FHOD3: variants seen among roughly 807,000 people sequenced by gnomAD.
The protein encoded by FHOD3 is formin homology 2 domain containing 3.
FHOD3 carries 90 observed loss-of-function variants against 173.0 expected under a neutral mutation model. The observed-to-expected ratio is 0.52, with a 90% confidence interval of 0.44 to 0.62. FHOD3 has a LOEUF of 0.62. Among genes scored for constraint, FHOD3 ranks in the 20% least tolerant of loss-of-function variants. FHOD3 has a pLI of 0.00. For synonymous variants in FHOD3, 828 were observed against 823.0 expected (o/e 1.01, Z -0.10); for missense variants, 1,945 against 2,034.7 (o/e 0.96, Z 0.85).
intron 16 of FHOD3, among the ~76,000 whole-genome samples, chr18:36,690,669 C>T (rs901401214): frequency 2.8e-4 from 42 of 152,164 alleles, no homozygotes; most frequent in African/African-American, 1.0e-3. Flanking sequence ...CAGATGAACG[C>T]TGCTGCTGCT....
chr18:36,699,887 T>C (rs2039486500), intron 17 of FHOD3, among the ~76,000 whole-genome samples: 1 of 152,210 alleles, frequency 6.6e-6, no homozygotes, highest in Non-Finnish European at 1.5e-5. Context: ...CTCTGCCAGA[T>C]ACATCGGGAA....
chr18:36,549,951 G>A (rs2147305256), intron 5 of FHOD3, among the ~76,000 whole-genome samples: 1 of 151,486 alleles, frequency 6.6e-6, no homozygotes, highest in South Asian at 2.1e-4. Context: ...TTATAACTGT[G>A]ATCTATTTTG....
chr18:36,558,235 G>T (rs1188925721), intron 5 of FHOD3, among the ~76,000 whole-genome samples: 1 of 152,090 alleles, frequency 6.6e-6, no homozygotes, highest in African/African-American at 2.4e-5. Context: ...CAACTTGGAG[G>T]TTTGGATGAG....
intron 1 of FHOD3, among the ~76,000 whole-genome samples, chr18:36,341,185 T>C (rs2045600574): frequency 6.6e-6 from 1 of 152,236 alleles, no homozygotes; most frequent in Non-Finnish European, 1.5e-5. Flanking sequence ...AATAGTGCCA[T>C]CCTCATAGGC....
At position 36,652,871 on chromosome 18, in the gene FHOD3, T is replaced by G. The variant is rs1252359775; in HGVS notation, c.1588T>G (p.Phe530Val). 1 of 1,535,866 alleles carries G rather than the reference T, an allele frequency of 6.5e-7. No homozygotes were observed. The highest frequency in any genetic ancestry group is 2.4e-5 in the East Asian group (1 of 40,904). The change falls in exon 12 of 29, where the codon TTT becomes GTT. Residue 530 changes from phenylalanine to valine, a missense_variant. Transcript: ENST00000590592. ...HSPFHLFSYD[F>V]EDSSLSTKEK... ...CCCCTTCCACCTCTTCTCCTATGAC[T>G]TTGAGGACTCCTCCCTGTCCACCAA...
intron 19 of FHOD3, among the ~76,000 whole-genome samples, chr18:36,730,350 A>G (rs1170498932): frequency 1.3e-5 from 2 of 152,178 alleles, no homozygotes; most frequent in African/African-American, 4.8e-5. Context: ...CACTGCTTCT[A>G]TGGAAAAAAC....
At chr18:36,348,784 C>T (rs1283414674) in intron 1 of FHOD3, among the ~76,000 whole-genome samples, 1 of 152,060 alleles carries the variant, frequency 6.6e-6, no homozygotes, top group Non-Finnish European at 1.5e-5. Context: ...ACTTTGGGCT[C>T]AGGTATATTC....
At chr18:36,315,549 C>A (rs145459179) in intron 1 of FHOD3, among the ~76,000 whole-genome samples, 124 of 152,076 alleles carry the variant, frequency 8.2e-4, no homozygotes, top group Admixed American at 2.2e-3. Context: ...GTTAAGGGGT[C>A]CTGGGGGGCT....
intron 3 of FHOD3, among the ~76,000 whole-genome samples, chr18:36,433,216 C>G (rs1441287209): frequency 6.6e-6 from 1 of 152,192 alleles, no homozygotes; most frequent in African/African-American, 2.4e-5. Context: ...TCATCACATT[C>G]ACGAGTCTAA....
chr18:36,643,001 A>G (rs2035441077), intron 10 of FHOD3, among the ~76,000 whole-genome samples: 1 of 151,888 alleles, frequency 6.6e-6, no homozygotes, highest in Non-Finnish European at 1.5e-5. Context: ...ACTTTGTTGT[A>G]AAATGTATGT....
rs528287112 is a variant in FHOD3, at chr18:36,379,205, C to T, written c.337+6461C>T. On this transcript the variant is annotated intron_variant, in intron 3 of 28. Coordinates refer to ENST00000590592, the MANE Select transcript of FHOD3 (RefSeq NM_001281740.3). ...ACACACACTTGTGAGAGAGAGGTAG[C>T]GTGGAACCTTCTGGATAGGGCTGGA... is the stretch of plus-strand genomic sequence containing the variant. Among the ~76,000 whole-genome samples the T allele has an allele frequency of 2.3e-4, 35 of 152,252 alleles. No individual in the cohort carries two copies. The South Asian group carries it at 3.1e-3, about 14-fold the overall frequency.
At chr18:36,545,373 G>A (rs1159478493) in intron 5 of FHOD3, among the ~76,000 whole-genome samples, 1 of 152,244 alleles carries the variant, frequency 6.6e-6, no homozygotes, top group East Asian at 1.9e-4. Flanking sequence ...CATGTATAAG[G>A]TGGGCAGACA....
In FHOD3 at chr18:36,297,815, C is replaced by G. The variant is rs368181150; in HGVS notation, c.-21C>G. The G allele has an allele frequency of 2.7e-6, 4 of 1,495,562 alleles. No homozygotes were observed. Among genetic ancestry groups the G allele is most frequent in the African/African-American group, 1.5e-5 (1 of 68,378 alleles). 92.6% of individuals were successfully genotyped at this position (1,495,562 alleles called of 1,614,324 possible). A position where few individuals can be genotyped will look rare whatever the true frequency, so the allele number is the denominator to read the frequency against. On this transcript the variant is annotated 5_prime_UTR_variant, in exon 1 of 29. Transcript: ENST00000590592. ...GGCCCCGCTAACCCCGGGGCCCGCGCCCCCGCGGCAGGGATGCATCATGGC... is the reference window on the plus strand; with the variant it reads ...GGCCCCGCTAACCCCGGGGCCCGCGGCCCCGCGGCAGGGATGCATCATGGC...
At chr18:36,365,079 T>C (rs935461874) in intron 2 of FHOD3, among the ~76,000 whole-genome samples, 9 of 152,194 alleles carry the variant, frequency 5.9e-5, no homozygotes, top group Admixed American at 2.0e-4. Context: ...AAGGACCTCA[T>C]ACCAGACACA....
chr18:36,297,916 G>A lies in FHOD3; in HGVS notation c.81G>A (p.Arg27=), dbSNP rs1356604851. The A allele has an allele frequency of 1.9e-6, 3 of 1,559,760 alleles. No individual in the cohort carries two copies. The African/African-American group carries it at 4.1e-5, about 22-fold the overall frequency. The change falls in exon 1 of 29, where the codon CGG becomes CGA. Residue 27 remains arginine (R), a synonymous_variant. Coordinates refer to ENST00000590592, the MANE Select transcript of FHOD3 (RefSeq NM_001281740.3). ...FNSTNFPEPS[R]PPLFTFREDL... ...GCACCAACTTCCCCGAGCCCAGCCG[G>A]CCGCCGCTGTTCACGTTCCGCGAGG...
intron 3 of FHOD3, among the ~76,000 whole-genome samples, chr18:36,475,751 TACACACACACACACACACACAC>T (rs58982535): frequency 1.5e-4 from 21 of 142,968 alleles, no homozygotes; most frequent in African/African-American, 3.3e-4. Context: ...TATAGAAACA[TACACACACACACACACACACAC>T]ACACACACAC....
intron 17 of FHOD3, among the ~76,000 whole-genome samples, chr18:36,703,769 C>T (rs908809803): frequency 7.2e-5 from 11 of 152,166 alleles, no homozygotes; most frequent in African/African-American, 2.4e-4. Context: ...CAGGCCGGCT[C>T]GTTCCTCATT....
intron 3 of FHOD3, among the ~76,000 whole-genome samples, chr18:36,441,739 A>G (rs1011588391): frequency 6.6e-6 from 1 of 152,248 alleles, no homozygotes; most frequent in Non-Finnish European, 1.5e-5. Context: ...CATCACAGCC[A>G]AGTGCCATCT....
intron 3 of FHOD3, among the ~76,000 whole-genome samples, chr18:36,491,634 A>G (rs779564740): frequency 7.3e-5 from 11 of 150,928 alleles, no homozygotes; most frequent in Non-Finnish European, 1.6e-4. Context: ...CGGTTATGCT[A>G]CTTACAGAAT....
Sources: gnomAD v4.1 joint callset for allele counts (sites outside exome capture counted in the v4.1 genomes callset) on GRCh38, gnomAD v4.1.1 for gene constraint, MANE v1.5 for transcripts, NCBI Gene and HGNC (gene_info 2026-07-23, HGNC 2026-07-21) for gene names.